The following HBS1L variants were observed in gnomAD, a reference collection of about 807,000 sequenced individuals.
The protein encoded by HBS1L is HBS1 like translational GTPase.
A neutral mutation model predicts 88.9 loss-of-function variants in HBS1L; 55 were observed. The observed-to-expected ratio is 0.62, with a 90% CI of 0.50 to 0.77. The LOEUF is 0.77. Ranked by LOEUF, HBS1L falls within the 30% of genes least tolerant of loss-of-function variation. The probability of loss-of-function intolerance (pLI) is 0.00; values close to 1 mark genes in which losing one functional copy is unlikely to be tolerated. For synonymous variants in HBS1L, 267 were observed against 288.5 expected (o/e 0.93, Z 0.76); for missense variants, 741 against 829.3 (o/e 0.89, Z 1.31).
chr6:135,017,334 C>T (rs1485411269), intron 4 of HBS1L, among the ~76,000 whole-genome samples: 2 of 152,052 alleles, frequency 1.3e-5, no homozygotes, highest in African/African-American at 4.8e-5. Flanking sequence ...AAAACTGTTG[C>T]CTAGGGATAA....
chr6:134,977,118 GA>G (rs1207598219), intron 15 of HBS1L, among the ~76,000 whole-genome samples: 1 of 151,868 alleles, frequency 6.6e-6, no homozygotes, highest in African/African-American at 2.4e-5. Context: ...GGAGTAGACT[GA>G]CAAAATATGG....
At chr6:135,036,461 A>G in intron 4 of HBS1L, 1 of 1,371,034 alleles carries the variant, frequency 7.3e-7, no homozygotes. Context: ...ATTTTCATAA[A>G]AATCAGAATT....
At chr6:135,009,178 G>A (rs912838313) in intron 4 of HBS1L, among the ~76,000 whole-genome samples, 2 of 152,116 alleles carry the variant, frequency 1.3e-5, no homozygotes, top group Non-Finnish European at 2.9e-5. Flanking sequence ...AGAAACTGTG[G>A]TTCAGACAGG....
rs567076740 is a variant in HBS1L at position 135,022,608 on chromosome 6, G to A, written c.430+16965C>T. Among the ~76,000 whole-genome samples, 3 of 151,984 alleles carry A rather than the reference G, an allele frequency of 2.0e-5. No homozygotes were observed. In the South Asian group the frequency reaches 6.2e-4, roughly 32 times the overall value. The stretch of plus-strand genomic sequence containing the variant: ...TTAAGCAGAAAGCCAATTAATTCTG[G>A]TTACCTGTATAAGTATAAAATTCTC... On this transcript the variant is annotated intron_variant, in intron 4 of 17. Coordinates refer to ENST00000367837, the MANE Select transcript of HBS1L (RefSeq NM_006620.4).
chr6:135,043,997 G>C (rs2114915059), intron 2 of HBS1L, among the ~76,000 whole-genome samples: 2 of 152,246 alleles, frequency 1.3e-5, no homozygotes, highest in Middle Eastern at 6.8e-3. Context: ...CAAGATAATT[G>C]TATTGTAATG....
chr6:134,972,751 T>C (rs7775544), intron 15 of HBS1L, among the ~76,000 whole-genome samples: 1 of 152,142 alleles, frequency 6.6e-6, no homozygotes, highest in Non-Finnish European at 1.5e-5. Flanking sequence ...TAATTCAAAA[T>C]GTGCAAAGGA....
chr6:135,015,427 G>A (rs990054049), intron 4 of HBS1L, among the ~76,000 whole-genome samples: 4 of 152,058 alleles, frequency 2.6e-5, no homozygotes, highest in Admixed American at 2.0e-4. Context: ...TTGCTTCCAC[G>A]GCACCCTCCC....
chr6:134,966,716 T>A (rs538125067), intron 16 of HBS1L, among the ~76,000 whole-genome samples: 1 of 151,666 alleles, frequency 6.6e-6, no homozygotes, highest in African/African-American at 2.4e-5. Context: ...CTTCCAAATA[T>A]AACTCTATCC....
intron 15 of HBS1L, among the ~76,000 whole-genome samples, chr6:134,971,073 T>C (rs1774468363): frequency 1.3e-5 from 2 of 150,574 alleles, no homozygotes; most frequent in Non-Finnish European, 3.0e-5. Flanking sequence ...AATCTTAGAC[T>C]TTGGGAACTT....
chr6:134,989,034 C>T (rs746488734), intron 8 of HBS1L, among the ~76,000 whole-genome samples: 4 of 152,112 alleles, frequency 2.6e-5, no homozygotes, highest in Non-Finnish European at 4.4e-5. Context: ...AATTACACAC[C>T]CCACAAAAGA....
intron 4 of HBS1L, among the ~76,000 whole-genome samples, chr6:135,029,953 A>G (rs1776339350): frequency 6.6e-6 from 1 of 152,250 alleles, no homozygotes; most frequent in Admixed American, 6.5e-5. Flanking sequence ...AACCTTTGGA[A>G]GAATAAAGAA....
chr6:135,006,402 T>C (rs1331424763), intron 4 of HBS1L, among the ~76,000 whole-genome samples: 1 of 152,062 alleles, frequency 6.6e-6, no homozygotes, highest in Non-Finnish European at 1.5e-5. Context: ...GCTGTGATCA[T>C]GAAGAGCTTA....
At chr6:135,037,255 G>T in intron 4 of HBS1L, 17 of 1,551,902 alleles carry the variant, frequency 1.1e-5, no homozygotes, top group Non-Finnish European at 1.5e-5. Flanking sequence ...ACTGGCAGAT[G>T]ACTGGTTACA....
At chr6:135,023,392 C>A (rs985712637) in intron 4 of HBS1L, among the ~76,000 whole-genome samples, 1 of 151,996 alleles carries the variant, frequency 6.6e-6, no homozygotes, top group Non-Finnish European at 1.5e-5. Flanking sequence ...TGCAGTGAGC[C>A]GATTTCGCGC....
chr6:135,025,281 G>A (rs1377304069), intron 4 of HBS1L, among the ~76,000 whole-genome samples: 1 of 152,194 alleles, frequency 6.6e-6, no homozygotes, highest in Non-Finnish European at 1.5e-5. Flanking sequence ...GGATCAAACT[G>A]AGAGCACATG....
intron 4 of HBS1L, among the ~76,000 whole-genome samples, chr6:135,009,990 G>T (rs911191453): frequency 6.6e-6 from 1 of 152,130 alleles, no homozygotes; most frequent in African/African-American, 2.4e-5. Flanking sequence ...GCCAAATTAA[G>T]ATTATGGAAG....
At position 135,022,002 on chromosome 6, in the gene HBS1L, A is replaced by G. The variant is rs149264766; in HGVS notation, c.430+17571T>C. Among the ~76,000 whole-genome samples, 289 of 152,308 alleles carry G rather than the reference A, an allele frequency of 1.9e-3. 2 individuals are homozygous for G. Among genetic ancestry groups the G allele is most frequent in the African/African-American group, 6.4e-3 (267 of 41,566 alleles). On this transcript the variant is annotated intron_variant, in intron 4 of 17. Transcript: ENST00000367837. ...ATTCAGACTGAAAGCAGTTGGCCAT[A>G]TAGGTACTTCTATTAAATCAGAGAC...
At chr6:135,004,578 C>G (rs997784536) in intron 4 of HBS1L, among the ~76,000 whole-genome samples, 1 of 151,916 alleles carries the variant, frequency 6.6e-6, no homozygotes, top group Non-Finnish European at 1.5e-5. Flanking sequence ...ACCTTTAGGT[C>G]ATACCAAAGA....
chr6:135,042,173 ATTAACTTTTTT>A, intron 2 of HBS1L, 47 bp from the exon 3 acceptor site: 1 of 1,509,384 alleles, frequency 6.6e-7, no homozygotes, highest in South Asian at 1.3e-5. Context: ...GCCATTTCCT[ATTAACTTTTTT>A]TTACAAAAGT....
Sources: gnomAD v4.1 joint callset for allele counts (sites outside exome capture counted in the v4.1 genomes callset) on GRCh38, gnomAD v4.1.1 for gene constraint, MANE v1.5 for transcripts, NCBI Gene and HGNC (gene_info 2026-07-23, HGNC 2026-07-21) for gene names.